Variants in KCNAB1 observed in about 807,000 individuals in gnomAD.
KCNAB1 encodes the protein voltage-gated potassium channel subunit beta-1.
In KCNAB1, 35 loss-of-function variants were observed where a neutral mutation model predicts 64.6. The ratio of observed to expected loss-of-function variants is 0.54; its 90% CI spans 0.41 to 0.72. The LOEUF is 0.72. Among genes scored for constraint, KCNAB1 ranks in the 30% least tolerant of loss-of-function variants. The probability of loss-of-function intolerance (pLI) is 0.00; values close to 1 mark genes in which losing one functional copy is unlikely to be tolerated. For missense variants in KCNAB1, 401 were observed against 512.9 expected, an observed-to-expected ratio of 0.78 and a Z score of 2.11; for synonymous variants, 177 against 183.8, an observed-to-expected ratio of 0.96 and a Z score of 0.30.
At chr3:156,415,461 G>C (rs1366589475) in intron 1 of KCNAB1, among the ~76,000 whole-genome samples, 1 of 151,858 alleles carries the variant, frequency 6.6e-6, no homozygotes, top group Admixed American at 6.6e-5. Context: ...CCTCTCCTTG[G>C]CCCACTCAGC....
At chr3:156,182,478 A>G (rs1459183892) in intron 1 of KCNAB1, among the ~76,000 whole-genome samples, 1 of 151,812 alleles carries the variant, frequency 6.6e-6, no homozygotes, top group African/African-American at 2.4e-5. Context: ...ATTTCTACCA[A>G]CTCAGCCTAA....
intron 4 of KCNAB1, among the ~76,000 whole-genome samples, chr3:156,457,993 A>G (rs1290402351): frequency 6.6e-6 from 1 of 152,148 alleles, no homozygotes. Flanking sequence ...GCAGGGAAAC[A>G]GGAGCTCTCA....
intron 1 of KCNAB1, among the ~76,000 whole-genome samples, chr3:156,170,297 C>T (rs1560118062): frequency 6.8e-6 from 1 of 146,944 alleles, no homozygotes; most frequent in Non-Finnish European, 1.5e-5. Context: ...TTTATGAAGT[C>T]ATAGAGAAAG....
chr3:156,323,751 C>A (rs1248325299), intron 1 of KCNAB1, among the ~76,000 whole-genome samples: 1 of 152,106 alleles, frequency 6.6e-6, no homozygotes, highest in Non-Finnish European at 1.5e-5. Context: ...CGTGTCATAC[C>A]TTGACTTTTC....
At chr3:156,440,380 C>T (rs1716907440) in intron 2 of KCNAB1, among the ~76,000 whole-genome samples, 1 of 152,202 alleles carries the variant, frequency 6.6e-6, no homozygotes, top group Non-Finnish European at 1.5e-5. Context: ...CAAAGCATGG[C>T]TGGGAATACC....
At chr3:156,160,466 C>T (rs1001759031) in intron 1 of KCNAB1, among the ~76,000 whole-genome samples, 5 of 152,142 alleles carry the variant, frequency 3.3e-5, no homozygotes, top group Non-Finnish European at 5.9e-5. Flanking sequence ...TCTCCTTGCT[C>T]TCACCCCACC....
intron 1 of KCNAB1, among the ~76,000 whole-genome samples, chr3:156,194,129 GAA>G (rs948335393): frequency 3.7e-4 from 56 of 151,536 alleles, no homozygotes; most frequent in African/African-American, 1.3e-3. Context: ...TAAATATTAA[GAA>G]AAAATTTAAT....
chr3:156,234,303 T>C (rs965526542), intron 1 of KCNAB1, among the ~76,000 whole-genome samples: 7 of 152,050 alleles, frequency 4.6e-5, no homozygotes, highest in Admixed American at 1.3e-4. Context: ...TGTGTGCCTA[T>C]GGGAAAGACC....
intron 1 of KCNAB1, among the ~76,000 whole-genome samples, chr3:156,187,950 G>GA (rs1419688784): frequency 4.6e-5 from 7 of 152,248 alleles, no homozygotes; most frequent in African/African-American, 1.7e-4. Flanking sequence ...TTATCATGCT[G>GA]AACTATGTGG....
intron 4 of KCNAB1, among the ~76,000 whole-genome samples, chr3:156,459,190 C>A (rs3772266): frequency 0.28 from 43,022 of 152,038 alleles, 6,656 homozygotes; most frequent in South Asian, 0.38. Flanking sequence ...ATCTTGGGTC[C>A]CAGCCTGGGT....
At chr3:156,240,245 C>G (rs893112919) in intron 1 of KCNAB1, among the ~76,000 whole-genome samples, 1 of 152,090 alleles carries the variant, frequency 6.6e-6, no homozygotes, top group African/African-American at 2.4e-5. Flanking sequence ...GCGATATGGC[C>G]TCCTTTGTCT....
Position 156,508,907 on chromosome 3 carries a change from G to A in KCNAB1, c.659-5457G>A, listed in dbSNP as rs1460706229. 1.3e-5 allele frequency among the ~76,000 whole-genome samples: 2 copies of A among 152,116 alleles called. No individual in the cohort carries two copies. Among genetic ancestry groups the A allele is most frequent in the Non-Finnish European group, 2.9e-5 (2 of 68,028 alleles). On this transcript the variant is annotated intron_variant, in intron 8 of 13. Coordinates refer to ENST00000490337, the MANE Select transcript of KCNAB1 (RefSeq NM_172160.3). The surrounding 1 kb of genome is among the most constrained non-coding windows in gnomAD (Gnocchi z 4.1). ...CAACCTGGAAAGGAGCGCAGAGGGA[G>A]GACTTAACAAAGTCTTTCAATAGTT...
intron 1 of KCNAB1, among the ~76,000 whole-genome samples, chr3:156,262,191 C>A (rs534088488): frequency 6.6e-6 from 1 of 151,804 alleles, no homozygotes; most frequent in Admixed American, 6.6e-5. Flanking sequence ...CTTTAATTTC[C>A]TTTTATTTAT....
At chr3:156,498,849 A>C (rs956583292) in intron 8 of KCNAB1, among the ~76,000 whole-genome samples, 3 of 152,254 alleles carry the variant, frequency 2.0e-5, no homozygotes, top group Non-Finnish European at 4.4e-5. Flanking sequence ...AGTGGAATCA[A>C]GATGCTGAAG....
At chr3:156,218,915 C>T (rs1410667042) in intron 1 of KCNAB1, among the ~76,000 whole-genome samples, 1 of 151,624 alleles carries the variant, frequency 6.6e-6, no homozygotes, top group Non-Finnish European at 1.5e-5. Flanking sequence ...AGGGGGAGAA[C>T]ACCACATCAA....
chr3:156,480,649 C>G (rs1576921371), intron 8 of KCNAB1, among the ~76,000 whole-genome samples: 1 of 152,042 alleles, frequency 6.6e-6, no homozygotes, highest in South Asian at 2.1e-4. Context: ...CCAAAAGTTA[C>G]TAATGGCATA....
chr3:156,531,465 G>C lies in KCNAB1; in HGVS notation c.1138G>C (p.Glu380Gln), dbSNP rs150468962. 32 of 1,613,928 alleles carry C rather than the reference G, an allele frequency of 2.0e-5. No homozygotes were observed. In the African/African-American group the frequency reaches 3.9e-4, roughly 20 times the overall value. Residue 380 changes from glutamate to glutamine, a missense_variant, in exon 13 of 14, where the codon GAA becomes CAA. Transcript: ENST00000490337. ...SSVLLGSSTP[E>Q]QLIENLGAIQ... ...TGTGCTCCTGGGATCATCCACTCCT[G>C]AACAACTCATTGAAAACCTTGGTGC...
intron 1 of KCNAB1, among the ~76,000 whole-genome samples, chr3:156,302,759 G>A (rs1217800876): frequency 6.6e-6 from 1 of 151,966 alleles, no homozygotes; most frequent in Non-Finnish European, 1.5e-5. Context: ...TTGCTACCAA[G>A]ACCTAAGTAC....
At chr3:156,270,683 ATTTCATCT>A (rs1162786783) in intron 1 of KCNAB1, among the ~76,000 whole-genome samples, 1 of 152,162 alleles carries the variant, frequency 6.6e-6, no homozygotes, top group Non-Finnish European at 1.5e-5. Context: ...ATTTTTAACC[ATTTCATCT>A]TTTCATCTTT....
Sources: gnomAD v4.1 joint callset for allele counts (sites outside exome capture counted in the v4.1 genomes callset) on GRCh38, gnomAD v4.1.1 for gene constraint, Gnocchi (gnomAD v3.1) non-coding constraint, MANE v1.5 for transcripts, NCBI Gene and HGNC (gene_info 2026-07-23, HGNC 2026-07-21) for gene names.